The following USP34 variants were observed in gnomAD, a reference collection of about 807,000 sequenced individuals.
USP34 encodes ubiquitin carboxyl-terminal hydrolase 34.
In USP34, 70 loss-of-function variants were observed where a neutral mutation model predicts 460.3. The observed-to-expected ratio is 0.15, with a 90% CI of 0.13 to 0.19. The LOEUF (loss-of-function observed/expected upper bound fraction) is 0.19, where lower values mean the gene tolerates loss of function less well. Among genes scored for constraint, USP34 ranks in the 10% least tolerant of loss-of-function variants. USP34 has a pLI of 1.00. For synonymous variants in USP34, 1,647 were observed against 1,405.3 expected, an observed-to-expected ratio of 1.17 and a Z score of -3.85; for missense variants, 3,985 against 4,236.2, an observed-to-expected ratio of 0.94 and a Z score of 1.65.
At chr2:61,444,773 G>A (rs1394181774) in intron 1 of USP34, among the ~76,000 whole-genome samples, 1 of 151,982 alleles carries the variant, frequency 6.6e-6, no homozygotes, top group Admixed American at 6.6e-5. Context: ...GCCTCCTCCA[G>A]CCTCTGCATA....
chr2:61,457,370 C>G (rs149079527), intron 1 of USP34, among the ~76,000 whole-genome samples: 3 of 152,306 alleles, frequency 2.0e-5, no homozygotes, highest in Non-Finnish European at 2.9e-5. Context: ...AAATAAAGTC[C>G]TGATTATGTT....
At chr2:61,448,647 A>C (rs1051476428) in intron 1 of USP34, among the ~76,000 whole-genome samples, 2 of 152,218 alleles carry the variant, frequency 1.3e-5, no homozygotes, top group South Asian at 4.1e-4. Context: ...TTCCATCCAT[A>C]GATGACATAC....
At chr2:61,400,685 TC>T (rs1380409881) in intron 3 of USP34, among the ~76,000 whole-genome samples, 1 of 151,872 alleles carries the variant, frequency 6.6e-6, no homozygotes, top group Non-Finnish European at 1.5e-5. Context: ...CCCTGCCTCC[TC>T]AAAAAAATTG....
chr2:61,390,448 A>G (rs1300864423), intron 5 of USP34, among the ~76,000 whole-genome samples: 1 of 152,234 alleles, frequency 6.6e-6, no homozygotes, highest in Non-Finnish European at 1.5e-5. Context: ...GCAAAGTAAG[A>G]AAACTACATA....
intron 23 of USP34, among the ~76,000 whole-genome samples, chr2:61,316,350 C>T (rs1690746155): frequency 6.6e-6 from 1 of 152,090 alleles, no homozygotes; most frequent in South Asian, 2.1e-4. Flanking sequence ...TTTGGGAGGC[C>T]AAGGCGGGTG....
intron 8 of USP34, among the ~76,000 whole-genome samples, chr2:61,375,423 T>C (rs1180190343): frequency 6.6e-6 from 1 of 152,014 alleles, no homozygotes; most frequent in Non-Finnish European, 1.5e-5. Flanking sequence ...AAACATATGA[T>C]CACAAAAGGA....
intron 8 of USP34, among the ~76,000 whole-genome samples, chr2:61,376,151 A>G (rs1224606569): frequency 3.4e-5 from 5 of 147,310 alleles, no homozygotes; most frequent in Admixed American, 3.3e-4. Context: ...AACTCTAAGA[A>G]TTTACTATTA....
chr2:61,313,180 A>G (rs917450463), intron 25 of USP34, among the ~76,000 whole-genome samples: 4 of 152,140 alleles, frequency 2.6e-5, no homozygotes, highest in Non-Finnish European at 5.9e-5. Context: ...TTTAACATCA[A>G]CATTAACTTT....
At chr2:61,418,895 T>G (rs1214779177) in intron 2 of USP34, among the ~76,000 whole-genome samples, 1 of 152,256 alleles carries the variant, frequency 6.6e-6, no homozygotes, top group African/African-American at 2.4e-5. Flanking sequence ...TTATTCAATG[T>G]TCTCCAGCTT....
At chr2:61,420,725 G>A (rs371248085) in intron 2 of USP34, 21 bp downstream of exon 2, 17 of 1,543,732 alleles carry the variant, frequency 1.1e-5, no homozygotes, top group South Asian at 8.9e-5. Flanking sequence ...ATTAGTCTTC[G>A]AAATACCTAA....
chr2:61,241,698 T>C, intron 52 of USP34, 43 bp from the exon 53 acceptor site: 1 of 1,536,198 alleles, frequency 6.5e-7, no homozygotes, highest in Non-Finnish European at 8.8e-7. Flanking sequence ...TTTGACAAAG[T>C]ATTACTCTAA....
intron 67 of USP34, among the ~76,000 whole-genome samples, chr2:61,215,476 T>TAA (rs1413152371): frequency 6.6e-6 from 1 of 152,218 alleles, no homozygotes; most frequent in Non-Finnish European, 1.5e-5. Context: ...TTAAACTTAT[T>TAA]AAGCCTATGT....
chr2:61,400,798 T>C (rs904330917), intron 3 of USP34, among the ~76,000 whole-genome samples: 1 of 152,074 alleles, frequency 6.6e-6, no homozygotes, highest in Non-Finnish European at 1.5e-5. Flanking sequence ...CTACAATGAA[T>C]CATAATTGTG....
At chr2:61,306,221 T>C (rs1690399747) in intron 27 of USP34, among the ~76,000 whole-genome samples, 1 of 152,240 alleles carries the variant, frequency 6.6e-6, no homozygotes, top group Non-Finnish European at 1.5e-5. Context: ...CTTAAGTCTT[T>C]AATCCATCTT....
At chr2:61,441,126 C>CA (rs1201299279) in intron 1 of USP34, among the ~76,000 whole-genome samples, 10,935 of 121,924 alleles carry the variant, frequency 0.09, 532 homozygotes, top group Non-Finnish European at 0.13. Flanking sequence ...AGAGCCGCCT[C>CA]AAAAAAAAAA....
intron 23 of USP34, among the ~76,000 whole-genome samples, chr2:61,316,814 A>AG (rs1188087060): frequency 6.6e-6 from 1 of 152,000 alleles, no homozygotes; most frequent in African/African-American, 2.4e-5. Context: ...AGAACCCGGG[A>AG]GGTGGCGGTT....
chr2:61,216,055 T>C (rs944937178), intron 67 of USP34, among the ~76,000 whole-genome samples: 1 of 152,228 alleles, frequency 6.6e-6, no homozygotes, highest in Non-Finnish European at 1.5e-5. Flanking sequence ...TTCCATTGTA[T>C]TGTCAAAGCA....
At chr2:61,388,722 C>A (rs1693247230) in intron 5 of USP34, among the ~76,000 whole-genome samples, 2 of 151,812 alleles carry the variant, frequency 1.3e-5, no homozygotes, top group African/African-American at 4.8e-5. Context: ...CGCCACTGCA[C>A]TCCAGCCTGG....
Position 61,191,774 on chromosome 2 carries a change from C to G in USP34, c.9589-1116G>C, listed in dbSNP as rs1031982656. Among the ~76,000 whole-genome samples the G allele has an allele frequency of 1.3e-5, 2 of 152,042 alleles. 1 individual carries two copies. The highest frequency in any genetic ancestry group is 4.8e-5 in the African/African-American group (2 of 41,362). ...GAGAGTACAGAAACCAAGAAACTAC[C>G]CAAATCAGGAAGAATGAAAAAGAAC... On this transcript the variant is annotated intron_variant, in intron 76 of 79. Coordinates refer to ENST00000398571, the MANE Select transcript of USP34 (RefSeq NM_014709.4).
Sources: gnomAD v4.1 joint callset for allele counts (sites outside exome capture counted in the v4.1 genomes callset) on GRCh38, gnomAD v4.1.1 for gene constraint, MANE v1.5 for transcripts, NCBI Gene and HGNC (gene_info 2026-07-23, HGNC 2026-07-21) for gene names.